The following CSMD1 variants were observed in gnomAD, a reference collection of about 807,000 sequenced individuals.
The protein encoded by CSMD1 is CUB and sushi domain-containing protein 1.
In CSMD1, 213 loss-of-function variants were observed where a neutral mutation model predicts 417.5. The ratio of observed to expected loss-of-function variants is 0.51; its 90% confidence interval spans 0.46 to 0.57. The LOEUF is 0.57. CSMD1 is among the 20% of genes least tolerant of loss of function. The pLI, the probability that CSMD1 is intolerant of heterozygous loss-of-function variation, is 0.00. For missense variants in CSMD1, 6,923 were observed against 4,529.7 expected, an observed-to-expected ratio of 1.53 and a Z score of -15.17; for synonymous variants, 2,862 against 1,736.8, an observed-to-expected ratio of 1.65 and a Z score of -16.11.
At chr8:4,851,832 C>A (rs1392858379) in intron 1 of CSMD1, among the ~76,000 whole-genome samples, 2 of 152,166 alleles carry the variant, frequency 1.3e-5, no homozygotes, top group Non-Finnish European at 2.9e-5. Flanking sequence ...AAGATAATTA[C>A]AGAGTGAAGC....
intron 5 of CSMD1, among the ~76,000 whole-genome samples, chr8:3,809,112 G>T (rs952635717): frequency 1.3e-5 from 2 of 152,118 alleles, no homozygotes; most frequent in African/African-American, 4.8e-5. Flanking sequence ...CCGGGCACAT[G>T]CTCTGCCCTC....
chr8:4,287,759 G>C (rs1208482064), intron 3 of CSMD1, among the ~76,000 whole-genome samples: 2 of 151,680 alleles, frequency 1.3e-5, no homozygotes, highest in Non-Finnish European at 2.9e-5. Context: ...ACTGAAAGTG[G>C]ACCCGGTCGG....
chr8:4,971,650 T>C (rs77047860), intron 1 of CSMD1, among the ~76,000 whole-genome samples: 3,767 of 151,350 alleles, frequency 0.025, 144 homozygotes, highest in African/African-American at 0.086. Flanking sequence ...AGTCTTATTC[T>C]TACTTCCTTG....
At chr8:4,386,719 A>T (rs1324603751) in intron 3 of CSMD1, among the ~76,000 whole-genome samples, 3 of 152,212 alleles carry the variant, frequency 2.0e-5, no homozygotes, top group African/African-American at 7.2e-5. Flanking sequence ...ATGGTAAGGG[A>T]TAGCTGGCAG....
At chr8:3,288,140 C>T (rs953779814) in intron 25 of CSMD1, among the ~76,000 whole-genome samples, 6 of 147,234 alleles carry the variant, frequency 4.1e-5, no homozygotes, top group Admixed American at 1.3e-4. Flanking sequence ...GCCATGCATC[C>T]CAGGGATGAA....
In CSMD1 at chr8:3,709,680, GTTTTTTTTTTTT is replaced by G. The variant is rs56272726; in HGVS notation, c.932-1201_932-1190del. 2.5e-3 allele frequency among the ~76,000 whole-genome samples: 84 copies of G among 33,698 alleles called. 2 individuals carry two copies. Among genetic ancestry groups the G allele is most frequent in the Middle Eastern group, 0.016 (1 of 62 alleles). The allele number at this position is 33,698 out of a possible 152,430, so 22.1% of individuals were successfully genotyped here. A position where few individuals can be genotyped will look rare whatever the true frequency, so the allele number is the denominator to read the frequency against. ...GATGGGCTTTAAATTGCAGCAGCAT[GTTTTTTTTTTTT>G]TTTTTTTTTTTTTTTTTCCCTGCTT... is the stretch of plus-strand genomic sequence containing the variant. On this transcript the variant is annotated intron_variant, in intron 6 of 69. Coordinates refer to ENST00000635120, the MANE Select transcript of CSMD1 (RefSeq NM_033225.6).
At chr8:3,717,063 T>A (rs1009815753) in intron 6 of CSMD1, among the ~76,000 whole-genome samples, 3 of 152,188 alleles carry the variant, frequency 2.0e-5, no homozygotes, top group African/African-American at 7.2e-5. Context: ...TGTGGTGAAG[T>A]CTGATACTAG....
At chr8:3,632,159 T>C (rs1407311343) in intron 7 of CSMD1, among the ~76,000 whole-genome samples, 1 of 152,222 alleles carries the variant, frequency 6.6e-6, no homozygotes, top group Non-Finnish European at 1.5e-5. Flanking sequence ...AGGGATTTAT[T>C]TTAAAAAATT....
intron 3 of CSMD1, among the ~76,000 whole-genome samples, chr8:4,128,890 G>A (rs1284614197): frequency 6.6e-6 from 1 of 151,970 alleles, no homozygotes; most frequent in Non-Finnish European, 1.5e-5. Context: ...GAATATTTCT[G>A]TCTCGTACAA....
intron 5 of CSMD1, among the ~76,000 whole-genome samples, chr8:3,785,383 G>C (rs1291795712): frequency 1.3e-5 from 2 of 152,158 alleles, no homozygotes; most frequent in African/African-American, 4.8e-5. Context: ...TTCCACACCT[G>C]GCCATCAAGG....
rs146627632 is a variant in CSMD1 at position 3,682,924 on chromosome 8, C to A, written c.1009+25490G>T. Among the ~76,000 whole-genome samples the A allele has an allele frequency of 2.8e-3, 425 of 152,206 alleles. 1 individual carries two copies. Among genetic ancestry groups the A allele is most frequent in the African/African-American group, 9.8e-3 (409 of 41,534 alleles). Reference sequence around the variant, plus strand: ...GGATGAAGCTGGAAACCATCATTCTCAGCAAACTATCTATCGCAAGGACCA... The same window carrying A: ...GGATGAAGCTGGAAACCATCATTCTAAGCAAACTATCTATCGCAAGGACCA... On this transcript the variant is annotated intron_variant, in intron 7 of 69. Transcript: ENST00000635120.
chr8:3,955,221 T>C (rs1269207843), intron 5 of CSMD1, among the ~76,000 whole-genome samples: 1 of 152,028 alleles, frequency 6.6e-6, no homozygotes, highest in East Asian at 1.9e-4. Context: ...CGCCTCTCTC[T>C]CCTGTGAGAG....
chr8:4,956,494 AAT>A lies in CSMD1; in HGVS notation c.85+37836_85+37837del, dbSNP rs200165760. ...ATTATAAAATGCATATGTGTATAAA[AAT>A]ATATGTTATCATATACACACGTATT... On this transcript the variant is annotated intron_variant, in intron 1 of 69. Transcript: ENST00000635120. 6.0e-3 allele frequency among the ~76,000 whole-genome samples: 887 copies of A among 148,818 alleles called. 7 individuals are homozygous for A. Among genetic ancestry groups the A allele is most frequent in the East Asian group, 0.019 (95 of 5,130 alleles).
chr8:4,446,428 G>C (rs911761904), intron 2 of CSMD1, among the ~76,000 whole-genome samples: 6 of 152,096 alleles, frequency 3.9e-5, no homozygotes, highest in African/African-American at 7.2e-5. Context: ...CACACCTGTA[G>C]TCCCCGCTAC....
chr8:4,561,770 T>G (rs1210748941), intron 2 of CSMD1, among the ~76,000 whole-genome samples: 1 of 152,226 alleles, frequency 6.6e-6, no homozygotes, highest in Non-Finnish European at 1.5e-5. Context: ...ACACTTTACC[T>G]GTGATCTCTC....
chr8:3,201,857 T>C, intron 31 of CSMD1, 132 bp from the exon 32 acceptor site: 1 of 453,434 alleles, frequency 2.2e-6, no homozygotes, highest in Admixed American at 4.0e-5. Flanking sequence ...AAAATAAATA[T>C]TAACTTATTT....
intron 1 of CSMD1, among the ~76,000 whole-genome samples, chr8:4,921,000 AAAG>A (rs1563770136): frequency 0.095 from 3,603 of 38,070 alleles, 755 homozygotes; most frequent in African/African-American, 0.26. Flanking sequence ...GAAAGAAAAG[AAAG>A]AAAGAAAGAA....
intron 5 of CSMD1, among the ~76,000 whole-genome samples, chr8:3,981,500 T>TAA (rs200296436): frequency 0.11 from 12,119 of 113,674 alleles, 958 homozygotes; most frequent in Non-Finnish European, 0.16. Context: ...TAGAAAAAAG[T>TAA]AAAAAAAAAA....
chr8:4,051,205 C>G (rs897557453), intron 3 of CSMD1, among the ~76,000 whole-genome samples: 1 of 151,074 alleles, frequency 6.6e-6, no homozygotes, highest in East Asian at 1.9e-4. Flanking sequence ...GCTGAGAGCA[C>G]AGCCTCCCAG....
Sources: gnomAD v4.1 joint callset for allele counts (sites outside exome capture counted in the v4.1 genomes callset) on GRCh38, gnomAD v4.1.1 for gene constraint, MANE v1.5 for transcripts, NCBI Gene and HGNC (gene_info 2026-07-23, HGNC 2026-07-21) for gene names.